Variants in CRPPA observed in about 807,000 individuals in gnomAD.
CRPPA encodes D-ribitol-5-phosphate cytidylyltransferase.
In CRPPA, 43 loss-of-function variants were observed where a neutral mutation model predicts 52.0. The observed-to-expected ratio is 0.83, with a 90% CI of 0.65 to 1.07. The LOEUF is 1.07. Among genes scored for constraint, CRPPA ranks in the 50% least tolerant of loss-of-function variants. The probability of loss-of-function intolerance (pLI) is 0.00; values close to 1 mark genes in which losing one functional copy is unlikely to be tolerated. For missense variants in CRPPA, 629 were observed against 551.7 expected, an observed-to-expected ratio of 1.14 and a Z score of -1.40; for synonymous variants, 250 against 203.5, an observed-to-expected ratio of 1.23 and a Z score of -1.94.
Position 16,385,890 on chromosome 7 carries a change from C to T in CRPPA, c.535-9649G>A, listed in dbSNP as rs572681913. Among the ~76,000 whole-genome samples the T allele has an allele frequency of 1.1e-4, 17 of 152,228 alleles. No homozygotes were observed. The East Asian group carries it at 1.4e-3, about 12-fold the overall frequency. ...AGATGGGCAGGTGCAGTAGCCAGAG[C>T]GAGCGCTTTTGGGCTCCAGCCGCAC... is the stretch of plus-strand genomic sequence containing the variant. On this transcript the variant is annotated intron_variant, in intron 2 of 9. Transcript: ENST00000407010.
At chr7:16,396,572 G>C (rs960514496) in intron 2 of CRPPA, among the ~76,000 whole-genome samples, 1 of 152,168 alleles carries the variant, frequency 6.6e-6, no homozygotes, top group East Asian at 1.9e-4. Flanking sequence ...CCCACTACTG[G>C]GTATCCAGTC....
rs186303689 is a variant in CRPPA at position 16,128,223 on chromosome 7, G to A, written c.1252-36424C>T. ...TGTACAGCAAACCACCATGGCACAC[G>A]TTTACCTATATAGCAAACCTGCATA... On this transcript the variant is annotated intron_variant, in intron 9 of 9. Transcript: ENST00000407010. Among the ~76,000 whole-genome samples the A allele has an allele frequency of 2.0e-3, 304 of 151,974 alleles. 1 individual carries two copies. The highest frequency in any genetic ancestry group is 6.9e-3 in the African/African-American group (288 of 41,454).
chr7:16,257,639 A>G (rs1019087442), intron 8 of CRPPA, among the ~76,000 whole-genome samples: 1 of 152,050 alleles, frequency 6.6e-6, no homozygotes, highest in African/African-American at 2.4e-5. Context: ...TTAAATTCCC[A>G]CAGTATGGGA....
chr7:16,163,287 T>C (rs1344345042), intron 9 of CRPPA, among the ~76,000 whole-genome samples: 2 of 152,050 alleles, frequency 1.3e-5, no homozygotes, highest in African/African-American at 2.4e-5. Flanking sequence ...TTGTCTTTTT[T>C]GATCTTTGTT....
intron 5 of CRPPA, among the ~76,000 whole-genome samples, chr7:16,299,525 G>A (rs1784746022): frequency 2.0e-5 from 3 of 152,124 alleles, no homozygotes; most frequent in South Asian, 4.1e-4. Context: ...AATGCTGCTG[G>A]TCTAGAGCAT....
In CRPPA at chr7:16,421,205, G is replaced by A; in HGVS notation, c.118C>T (p.Pro40Ser). ...ASLQSVAGTE[P>S]GRHPQAVAAV... ...GCCACGGCTTGCGGGTGGCGCCCGG[G>A]CTCGGTCCCGGCCACGCTCTGCAGG... The change falls in exon 1 of 10, where the codon CCC becomes TCC. Residue 40 changes from proline (P) to serine (S), a missense_variant. Physicochemically the swap from Pro to Ser is moderately conservative, Grantham distance 74 (BLOSUM62 -1). Transcript: ENST00000407010. 1.5e-6 allele frequency: 2 copies of A among 1,345,256 alleles called. No individual in the cohort carries two copies. Among genetic ancestry groups the A allele is most frequent in the Non-Finnish European group, 9.6e-7 (1 of 1,042,060 alleles). The allele number at this position is 1,345,256 out of a possible 1,614,324, so 83.3% of individuals were successfully genotyped here.
chr7:16,398,694 T>C (rs181012971), intron 2 of CRPPA, among the ~76,000 whole-genome samples: 51 of 152,120 alleles, frequency 3.4e-4, no homozygotes, highest in Non-Finnish European at 5.6e-4. Context: ...ACTGACACGA[T>C]TGGCATCTAA....
intron 1 of CRPPA, among the ~76,000 whole-genome samples, chr7:16,410,509 T>C (rs942416204): frequency 6.6e-6 from 1 of 152,204 alleles, no homozygotes; most frequent in Non-Finnish European, 1.5e-5. Context: ...CGGTCATCTC[T>C]ACCATAATTT....
chr7:16,399,346 A>G (rs1473458266), intron 2 of CRPPA, among the ~76,000 whole-genome samples: 2 of 151,864 alleles, frequency 1.3e-5, no homozygotes, highest in African/African-American at 2.4e-5. Flanking sequence ...TGATTGACAC[A>G]TGACTGACAT....
chr7:16,101,863 T>A (rs1583355791), intron 9 of CRPPA, among the ~76,000 whole-genome samples: 1 of 152,054 alleles, frequency 6.6e-6, no homozygotes, highest in South Asian at 2.1e-4. Context: ...ACCAATAACA[T>A]GAAAATGGCC....
intron 8 of CRPPA, among the ~76,000 whole-genome samples, chr7:16,218,003 G>C (rs1446518584): frequency 6.6e-6 from 1 of 150,966 alleles, no homozygotes; most frequent in Non-Finnish European, 1.5e-5. Context: ...ATTCACCAAA[G>C]ATGAAATGAA....
At chr7:16,208,406 T>C (rs999698805) in intron 9 of CRPPA, among the ~76,000 whole-genome samples, 17 of 152,316 alleles carry the variant, frequency 1.1e-4, no homozygotes, top group African/African-American at 4.1e-4. Context: ...TCCTTTCAAA[T>C]ACATGAGTTG....
intron 3 of CRPPA, among the ~76,000 whole-genome samples, chr7:16,374,332 C>G (rs922548492): frequency 7.2e-5 from 11 of 152,130 alleles, no homozygotes; most frequent in Non-Finnish European, 1.3e-4. Context: ...GGCTCTTCAG[C>G]CTTTGAAGGC....
chr7:16,413,061 G>A (rs901492289), intron 1 of CRPPA, among the ~76,000 whole-genome samples: 1 of 152,196 alleles, frequency 6.6e-6, no homozygotes, highest in Admixed American at 6.5e-5. Flanking sequence ...TTGGCTGCAA[G>A]GGGACAGTGG....
intron 9 of CRPPA, among the ~76,000 whole-genome samples, chr7:16,181,031 A>G (rs1429522651): frequency 6.6e-6 from 1 of 152,002 alleles, no homozygotes; most frequent in African/African-American, 2.4e-5. Context: ...TTTTAGGTAC[A>G]ATGTTTGTAA....
intron 8 of CRPPA, among the ~76,000 whole-genome samples, chr7:16,229,461 G>T (rs953212504): frequency 3.3e-5 from 5 of 151,716 alleles, no homozygotes; most frequent in African/African-American, 1.2e-4. Context: ...TTGCTTTGTG[G>T]TTACCATGAT....
intron 4 of CRPPA, among the ~76,000 whole-genome samples, chr7:16,304,064 G>C (rs990284608): frequency 5.9e-5 from 9 of 152,076 alleles, no homozygotes; most frequent in African/African-American, 1.9e-4. Context: ...TGTAGTAAGA[G>C]ACCAAGTTAA....
chr7:16,412,372 G>T (rs558377354), intron 1 of CRPPA, among the ~76,000 whole-genome samples: 1 of 152,282 alleles, frequency 6.6e-6, no homozygotes, highest in East Asian at 1.9e-4. Context: ...TCAAATGTGC[G>T]TGAGTATATA....
At chr7:16,106,888 T>C (rs1782163274) in intron 9 of CRPPA, among the ~76,000 whole-genome samples, 1 of 151,956 alleles carries the variant, frequency 6.6e-6, no homozygotes, top group Non-Finnish European at 1.5e-5. Context: ...ATAGGAAATT[T>C]CATGGAATTT....
Sources: allele counts gnomAD v4.1 joint callset (sites outside exome capture counted in the v4.1 genomes callset), GRCh38; gene constraint gnomAD v4.1.1; transcripts MANE v1.5; gene names NCBI Gene and HGNC (gene_info 2026-07-23, HGNC 2026-07-21).